The following CCSER1 variants were observed in gnomAD, a reference collection of about 807,000 sequenced individuals.
The protein encoded by CCSER1 is serine-rich coiled-coil domain-containing protein 1.
A neutral mutation model predicts 82.0 loss-of-function variants in CCSER1; 41 were observed. That is an observed-to-expected ratio of 0.50 (90% CI 0.39 to 0.65). The LOEUF (loss-of-function observed/expected upper bound fraction) is 0.65. Among genes scored for constraint, CCSER1 ranks in the 30% least tolerant of loss-of-function variants. The probability of loss-of-function intolerance (pLI) is 0.00; values close to 1 mark genes in which losing one functional copy is unlikely to be tolerated. For synonymous variants in CCSER1, 414 were observed against 383.9 expected (o/e 1.08, Z -0.92); for missense variants, 1,119 against 1,064.2 (o/e 1.05, Z -0.72).
chr4:90,993,003 G>C (rs1737175369), intron 9 of CCSER1, among the ~76,000 whole-genome samples: 1 of 151,990 alleles, frequency 6.6e-6, no homozygotes, highest in African/African-American at 2.4e-5. Context: ...GCCACTTTAA[G>C]TGTCTTCTGT....
chr4:91,149,693 A>T (rs1729944278), intron 10 of CCSER1, among the ~76,000 whole-genome samples: 1 of 152,220 alleles, frequency 6.6e-6, no homozygotes, highest in African/African-American at 2.4e-5. Flanking sequence ...AGCTTTCTGC[A>T]TATGACTAGC....
intron 10 of CCSER1, among the ~76,000 whole-genome samples, chr4:91,090,538 A>G (rs954434544): frequency 6.6e-6 from 1 of 152,152 alleles, no homozygotes; most frequent in African/African-American, 2.4e-5. Flanking sequence ...TAGCTATGCA[A>G]TATTGTCCAA....
chr4:90,734,908 C>A (rs773635586), intron 7 of CCSER1, among the ~76,000 whole-genome samples: 1 of 152,028 alleles, frequency 6.6e-6, no homozygotes, highest in Non-Finnish European at 1.5e-5. Context: ...AAATCTTAGA[C>A]GAAAGACTTT....
intron 10 of CCSER1, among the ~76,000 whole-genome samples, chr4:91,583,278 A>C (rs547991559): frequency 1.3e-5 from 2 of 151,554 alleles, no homozygotes; most frequent in Admixed American, 1.3e-4. Flanking sequence ...AATCAATTTA[A>C]TAAAATAATC....
At chr4:91,411,927 G>A (rs969013490) in intron 10 of CCSER1, among the ~76,000 whole-genome samples, 3 of 151,966 alleles carry the variant, frequency 2.0e-5, no homozygotes, top group Non-Finnish European at 4.4e-5. Flanking sequence ...TTATCCAGAT[G>A]GGCCCAGTGT....
chr4:91,076,615 C>T (rs1722021975), intron 9 of CCSER1, among the ~76,000 whole-genome samples: 1 of 151,722 alleles, frequency 6.6e-6, no homozygotes, highest in Admixed American at 6.6e-5. Context: ...ACTTTAATTT[C>T]CTCCTTTGAA....
intron 5 of CCSER1, among the ~76,000 whole-genome samples, chr4:90,588,084 T>C (rs906843959): frequency 4.6e-5 from 7 of 152,236 alleles, no homozygotes; most frequent in Admixed American, 2.0e-4. Flanking sequence ...CAAATCATTA[T>C]CTTTTGGCTA....
chr4:90,542,506 T>C (rs1379200470), intron 5 of CCSER1, among the ~76,000 whole-genome samples: 1 of 152,106 alleles, frequency 6.6e-6, no homozygotes, highest in African/African-American at 2.4e-5. Flanking sequence ...CAAGTTGTTT[T>C]GATGCAAATA....
intron 5 of CCSER1, among the ~76,000 whole-genome samples, chr4:90,536,159 A>G (rs1443696315): frequency 6.6e-6 from 1 of 150,694 alleles, no homozygotes; most frequent in Non-Finnish European, 1.5e-5. Flanking sequence ...CAGCCTCCAG[A>G]GTAGCTGGGA....
chr4:91,598,125 A>T (rs1764667199), intron 10 of CCSER1, among the ~76,000 whole-genome samples: 1 of 152,160 alleles, frequency 6.6e-6, no homozygotes, highest in South Asian at 2.1e-4. Context: ...ACAAATCATG[A>T]TACTGATAAT....
At chr4:90,882,793 G>A (rs567233222) in intron 8 of CCSER1, among the ~76,000 whole-genome samples, 13 of 151,224 alleles carry the variant, frequency 8.6e-5, no homozygotes, top group South Asian at 6.3e-4. Context: ...TCAAATATAC[G>A]CAACTTCACT....
rs746738213 is a variant in CCSER1 at position 90,309,363 on chromosome 4, T to G, written c.1079T>G (p.Val360Gly). 1 of 1,613,738 alleles carries G rather than the reference T, an allele frequency of 6.2e-7. No homozygotes were observed. Among genetic ancestry groups the G allele is most frequent in the African/African-American group, 1.3e-5 (1 of 74,910 alleles). The change falls in exon 2 of 11, where the codon GTG (valine) becomes GGG (glycine). Residue 360 changes from valine (V) to glycine (G), a missense_variant. By Grantham distance (109) the Val-to-Gly change is moderately radical (BLOSUM62 -3). Transcript: ENST00000509176. ...ATTGCTGAACTACCTGCTACAAGTG[T>G]GAGCCACTCAGAGAGTAACCTACCA... ...LQIAELPATS[V>G]SHSESNLPAD...
chr4:91,047,668 A>G (rs1457109912), intron 9 of CCSER1, among the ~76,000 whole-genome samples: 1 of 152,122 alleles, frequency 6.6e-6, no homozygotes, highest in African/African-American at 2.4e-5. Flanking sequence ...AATTTGATTC[A>G]TTACTGACAT....
At chr4:90,656,649 A>T (rs905142583) in intron 6 of CCSER1, among the ~76,000 whole-genome samples, 3 of 151,822 alleles carry the variant, frequency 2.0e-5, no homozygotes, top group African/African-American at 7.2e-5. Flanking sequence ...TTTGTATTTA[A>T]TGTAACTACT....
At chr4:91,035,520 C>T (rs547479899) in intron 9 of CCSER1, among the ~76,000 whole-genome samples, 101 of 152,180 alleles carry the variant, frequency 6.6e-4, no homozygotes, top group Non-Finnish European at 7.8e-4. Context: ...GGATTATTAT[C>T]GCGGAAATCT....
At chr4:90,831,997 C>T (rs1396469828) in intron 8 of CCSER1, among the ~76,000 whole-genome samples, 2 of 151,760 alleles carry the variant, frequency 1.3e-5, no homozygotes, top group South Asian at 2.1e-4. Context: ...TGTGTAATTA[C>T]GTTCTTAAAA....
chr4:90,327,376 G>A (rs1167591920), intron 3 of CCSER1, among the ~76,000 whole-genome samples: 5 of 152,078 alleles, frequency 3.3e-5, no homozygotes, highest in Admixed American at 6.6e-5. Context: ...ACTTTAGAAC[G>A]GTACTCCATC....
chr4:90,549,515 T>C (rs1169119850), intron 5 of CCSER1, among the ~76,000 whole-genome samples: 1 of 152,056 alleles, frequency 6.6e-6, no homozygotes, highest in East Asian at 1.9e-4. Context: ...GCTGTGAAAC[T>C]CAGGGCAAGG....
At chr4:90,567,551 A>G (rs908408567) in intron 5 of CCSER1, among the ~76,000 whole-genome samples, 2 of 151,816 alleles carry the variant, frequency 1.3e-5, no homozygotes, top group Non-Finnish European at 2.9e-5. Flanking sequence ...CGGCCTCCCA[A>G]AGTGCTGGGA....
Sources: allele counts gnomAD v4.1 joint callset (sites outside exome capture counted in the v4.1 genomes callset), GRCh38; gene constraint gnomAD v4.1.1; transcripts MANE v1.5; gene names NCBI Gene and HGNC (gene_info 2026-07-23, HGNC 2026-07-21).